Variants in TMEM260 observed in about 807,000 individuals in gnomAD.
The protein encoded by TMEM260 is transmembrane protein 260, also known as protein O-mannosyl-transferase TMEM260.
Under a neutral mutation model 88.9 loss-of-function variants are expected in TMEM260, and 82 were observed. The observed-to-expected ratio is 0.92, with a 90% confidence interval of 0.77 to 1.11. The LOEUF is 1.11. Among genes scored for constraint, TMEM260 ranks in the 50% least tolerant of loss-of-function variants. The pLI is 0.00. For missense variants in TMEM260, 902 were observed against 853.4 expected (o/e 1.06, Z -0.71); for synonymous variants, 314 against 309.3 (o/e 1.02, Z -0.16).
At chr14:56,621,006 C>T (rs1482245862) in intron 10 of TMEM260, among the ~76,000 whole-genome samples, 1 of 152,140 alleles carries the variant, frequency 6.6e-6, no homozygotes, top group Non-Finnish European at 1.5e-5. Flanking sequence ...CTAGCAATTT[C>T]TTGATCTCCA....
In TMEM260 at chr14:56,647,756, C is replaced by A; in HGVS notation, c.*259C>A. 1 of 437,732 alleles carries A rather than the reference C, an allele frequency of 2.3e-6. No homozygotes were observed. The allele number at this position is 437,732 out of a possible 1,614,324, so 27.1% of individuals were successfully genotyped here. A position where few individuals can be genotyped will look rare whatever the true frequency, so the allele number is the denominator to read the frequency against. On this transcript the variant is annotated 3_prime_UTR_variant, in exon 16 of 16. Transcript: ENST00000261556. ...TTTGAAAAGTCTTCTGACTTCCAGT[C>A]TTTCACCAGATGACTGCACTGGATT...
At chr14:56,645,903 C>T (rs1421174033) in intron 15 of TMEM260, among the ~76,000 whole-genome samples, 1 of 152,192 alleles carries the variant, frequency 6.6e-6, no homozygotes, top group African/African-American at 2.4e-5. Context: ...AGGAGTCTGA[C>T]AGTAACCTTG....
chr14:56,596,423 T>TAC (rs1429563079), intron 3 of TMEM260, among the ~76,000 whole-genome samples: 28,346 of 138,216 alleles, frequency 0.21, 3,497 homozygotes, highest in Non-Finnish European at 0.28. Context: ...TATATATATA[T>TAC]ATACATACAC....
chr14:56,597,081 G>A (rs898650913), intron 3 of TMEM260, among the ~76,000 whole-genome samples: 2 of 151,972 alleles, frequency 1.3e-5, no homozygotes, highest in African/African-American at 4.8e-5. Context: ...AATATTTCAG[G>A]GAATACTTGC....
At chr14:56,645,387 G>A (rs144422886) in intron 15 of TMEM260, among the ~76,000 whole-genome samples, 1,912 of 151,862 alleles carry the variant, frequency 0.013, 36 homozygotes, top group African/African-American at 0.042. Context: ...GCAAACTATC[G>A]CAAGGACAAA....
At chr14:56,640,646 ATGACTT>A (rs1889516527) in intron 15 of TMEM260, among the ~76,000 whole-genome samples, 1 of 152,244 alleles carries the variant, frequency 6.6e-6, no homozygotes, top group South Asian at 2.1e-4. Flanking sequence ...TGGACAGAGA[ATGACTT>A]TGACGAGTTG....
the TMEM260 span, among the ~76,000 whole-genome samples, chr14:56,658,861 G>A: frequency 6.6e-6 from 1 of 152,072 alleles, no homozygotes; most frequent in Non-Finnish European, 1.5e-5. Flanking sequence ...CTCCCAAGTA[G>A]CTGGAATTAC....
chr14:56,593,709 A>G, intron 3 of TMEM260, among the ~76,000 whole-genome samples: 1 of 74,870 alleles, frequency 1.3e-5, no homozygotes, highest in Non-Finnish European at 2.3e-5. Context: ...TTTTTTTGAG[A>G]CTGAGTCTCG....
rs747772987 is a variant in TMEM260 at position 56,615,911 on chromosome 14, C to G, written c.858-33C>G. On this transcript the variant is annotated intron_variant, in intron 7 of 15. Coordinates refer to ENST00000261556, the MANE Select transcript of TMEM260 (RefSeq NM_017799.4). The stretch of plus-strand genomic sequence containing the variant: ...TATTTGGAATCAATCAAATTTGTTT[C>G]CTGCCAACAATAAGTTAGATTGTTT... 66 of 1,472,020 alleles carry G rather than the reference C, an allele frequency of 4.5e-5. No homozygotes were observed. The Middle Eastern group carries it at 8.8e-4, about 20-fold the overall frequency. The allele number at this position is 1,472,020 out of a possible 1,614,324, so 91.2% of individuals were successfully genotyped here. A position where few individuals can be genotyped will look rare whatever the true frequency, so the allele number is the denominator to read the frequency against.
intron 3 of TMEM260, among the ~76,000 whole-genome samples, chr14:56,602,783 G>C (rs1886656017): frequency 6.6e-6 from 1 of 151,966 alleles, no homozygotes; most frequent in African/African-American, 2.4e-5. Flanking sequence ...GTAAAAACAG[G>C]TTTACTGATA....
chr14:56,631,593 A>G (rs1888601106), intron 12 of TMEM260, among the ~76,000 whole-genome samples: 1 of 148,746 alleles, frequency 6.7e-6, no homozygotes, highest in African/African-American at 2.5e-5. Flanking sequence ...ACTGCACTCC[A>G]TCCTGGGCTA....
In TMEM260 at chr14:56,633,148, T is replaced by A. The variant is rs1475327597; in HGVS notation, c.1701T>A (p.Tyr567Ter). Reference protein sequence around the residue: ...EEWIKLTKSIYNWTEEYGRFD... With the variant: ...EEWIKLTKSI The stretch of plus-strand genomic sequence containing the variant: ...GGATTAAACTTACAAAAAGTATCTA[T>A]AACTGGACCGAAGAATATGGAAGGT... The change falls in exon 13 of 16, where the codon TAT (tyrosine) becomes TAA (stop). Residue 567 changes from tyrosine (Y) to a stop codon, truncating the protein, a stop_gained. Transcript: ENST00000261556. LOFTEE classifies it high-confidence loss of function. 6.2e-7 allele frequency: 1 copy of A among 1,612,512 alleles called. No homozygotes were observed. Among genetic ancestry groups the A allele is most frequent in the African/African-American group, 1.3e-5 (1 of 74,888 alleles).
chr14:56,639,323 C>T (rs1015244280), intron 15 of TMEM260, among the ~76,000 whole-genome samples: 1 of 152,048 alleles, frequency 6.6e-6, no homozygotes, highest in African/African-American at 2.4e-5. Context: ...TGGATTGTAA[C>T]ACAAAGAAGG....
chr14:56,653,742 A>AAAAAAAAAAACAAACAAAC (rs1555343571), downstream of TMEM260, among the ~76,000 whole-genome samples: 1,391 of 65,814 alleles, frequency 0.021, 50 homozygotes, highest in African/African-American at 0.044. Context: ...TCTCCAAAAC[A>AAAAAAAAAAACAAACAAAC]AAAAAAAAAA....
chr14:56,596,795 AT>A (rs1432383247), intron 3 of TMEM260, among the ~76,000 whole-genome samples: 6 of 106,300 alleles, frequency 5.6e-5, no homozygotes, highest in African/African-American at 1.6e-4. Flanking sequence ...AAAAAAAAAA[AT>A]ATATATATAT....
chr14:56,603,742 C>T, intron 3 of TMEM260, 73 bp from the exon 4 acceptor site: 1 of 1,546,880 alleles, frequency 6.5e-7, no homozygotes. Flanking sequence ...TCTGCTGGTA[C>T]AGTTTACCAA....
chr14:56,643,301 C>T (rs1443569549), intron 15 of TMEM260, among the ~76,000 whole-genome samples: 3 of 152,172 alleles, frequency 2.0e-5, no homozygotes, highest in African/African-American at 7.2e-5. Flanking sequence ...CATCACAAAG[C>T]TTATCCACCA....
chr14:56,623,389 G>A (rs774488468), intron 11 of TMEM260, among the ~76,000 whole-genome samples: 10 of 152,024 alleles, frequency 6.6e-5, no homozygotes, highest in Non-Finnish European at 1.3e-4. Context: ...GCTTCTTCTG[G>A]GGTATCTCCC....
chr14:56,583,244 A>G (rs143496711), intron 1 of TMEM260, among the ~76,000 whole-genome samples: 1 of 152,340 alleles, frequency 6.6e-6, no homozygotes, highest in African/African-American at 2.4e-5. Context: ...GTTGTTTGAG[A>G]CATTGTGAGA....
Sources: gnomAD v4.1 joint callset for allele counts (sites outside exome capture counted in the v4.1 genomes callset) on GRCh38, gnomAD v4.1.1 for gene constraint, MANE v1.5 for transcripts, NCBI Gene and HGNC (gene_info 2026-07-23, HGNC 2026-07-21) for gene names.